Variants in MUC5B observed in about 807,000 individuals in gnomAD.
The protein encoded by MUC5B is mucin-5B.
A neutral mutation model predicts 376.9 loss-of-function variants in MUC5B; 116 were observed. That is an observed-to-expected ratio of 0.31 (90% CI 0.26 to 0.36). MUC5B has a LOEUF of 0.36. MUC5B is among the 10% of genes least tolerant of loss of function. MUC5B has a pLI of 1.00. For missense variants in MUC5B, 7,165 were observed against 7,769.9 expected (o/e 0.92, Z 2.93); for synonymous variants, 3,517 against 3,390.9 (o/e 1.04, Z -1.29).
rs542582331 is a variant in MUC5B, at chr11:1,237,837, C to T, written c.3297+673C>T. Among the ~76,000 whole-genome samples, 8 of 152,226 alleles carry T rather than the reference C, an allele frequency of 5.3e-5. No homozygotes were observed. The South Asian group carries it at 1.7e-3, about 32-fold the overall frequency. On this transcript the variant is annotated intron_variant, in intron 25 of 48. Coordinates refer to ENST00000529681, the MANE Select transcript of MUC5B (RefSeq NM_002458.3). ...TGAGCCAAGATCGTGCCACTGCACT[C>T]CAGCCTAAGCAAAAAGAGTGAGACT... is the stretch of plus-strand genomic sequence containing the variant.
In MUC5B at chr11:1,251,175, A is replaced by G; in HGVS notation, c.14295A>G (p.Pro4765=). ...CCCTGTGGACCACGTGGACCGTCCCAGCACAGACCACCACACCCATGTCCA... is the reference window on the plus strand; with the variant it reads ...CCCTGTGGACCACGTGGACCGTCCCGGCACAGACCACCACACCCATGTCCA... The part of the protein sequence containing the change: ...SSTLWTTWTV[P]AQTTTPMSTM... Residue 4765 remains proline (P), a synonymous_variant, in exon 31 of 49, where the codon CCA becomes CCG. Coordinates refer to ENST00000529681, the MANE Select transcript of MUC5B (RefSeq NM_002458.3). 1 of 1,610,908 alleles carries G rather than the reference A, an allele frequency of 6.2e-7. No individual in the cohort carries two copies. The highest frequency in any genetic ancestry group is 8.5e-7 in the Non-Finnish European group (1 of 1,178,178).
rs369603904 is a variant in MUC5B, at chr11:1,252,854, G to A, written c.15091G>A (p.Val5031Met). ...GGAGAACTGCACGGTGGCCAGGTGC[G>A]TGGGTGACAACCGTGTCGTCCTGCT... Reference protein sequence around the residue: ...TLENCTVARCVGDNRVVLLDP... With the variant: ...TLENCTVARCMGDNRVVLLDP... The change falls in exon 33 of 49, where the codon GTG (valine) becomes ATG (methionine). Residue 5031 changes from valine (V) to methionine (M), a missense_variant. Physicochemically the swap from Val to Met is conservative, Grantham distance 21. Transcript: ENST00000529681. 1.1e-4 allele frequency: 180 copies of A among 1,612,126 alleles called. No homozygotes were observed. Among genetic ancestry groups the A allele is most frequent in the South Asian group, 3.0e-4 (27 of 90,954 alleles).
chr11:1,230,740 C>G, intron 12 of MUC5B, 140 bp downstream of exon 12: 1 of 905,588 alleles, frequency 1.1e-6, no homozygotes, highest in Non-Finnish European at 1.7e-6. Context: ...CCTCCAGCCC[C>G]CAGGTCAGGT....
rs1862816064 is a variant in MUC5B at position 1,255,467 on chromosome 11, G to T, written c.15975G>T (p.Glu5325Asp). The change falls in exon 37 of 49, where the codon GAG (glutamate) becomes GAT (aspartate). Residue 5325 changes from glutamate to aspartate, a missense_variant. Physicochemically the swap from Glu to Asp is conservative, Grantham distance 45 (BLOSUM62 2). Transcript: ENST00000529681. Reference protein sequence around the residue: ...CISDHCRGRLEVPCQSLEAYA... With the variant: ...CISDHCRGRLDVPCQSLEAYA... ...GCGACCACTGCAGGGGCCGCCTTGAGGTGCCCTGCCAGAGCCTGGAGGCTT... is the reference window on the plus strand; with the variant it reads ...GCGACCACTGCAGGGGCCGCCTTGATGTGCCCTGCCAGAGCCTGGAGGCTT... 2 of 1,593,108 alleles carry T rather than the reference G, an allele frequency of 1.3e-6. No homozygotes were observed. The highest frequency in any genetic ancestry group is 1.7e-5 in the Admixed American group (1 of 57,414).
At chr11:1,229,843 G>C in intron 10 of MUC5B, 36 bp downstream of exon 10, 1 of 1,558,674 alleles carries the variant, frequency 6.4e-7, no homozygotes, top group African/African-American at 1.4e-5. Context: ...CCTGGGGTGG[G>C]GTGTGGAGCT....
At position 1,227,748 on chromosome 11, in the gene MUC5B, G is replaced by A. The variant is rs746810803; in HGVS notation, c.741G>A (p.Pro247=). Residue 247 remains proline, a synonymous_variant, in exon 7 of 49, where the codon CCG becomes CCA. Transcript: ENST00000529681. ...LDGPTEQCPD[P]LPLPAGNCTD... is the part of the protein sequence containing the mutation. The stretch of plus-strand genomic sequence containing the variant: ...GGCCCACGGAGCAGTGCCCGGACCC[G>A]CTGCCCTTGCCGGCCGGCAACTGCA... The A allele has an allele frequency of 1.9e-5, 14 of 719,714 alleles. No individual in the cohort carries two copies. Among genetic ancestry groups the A allele is most frequent in the Middle Eastern group, 2.3e-4 (1 of 4,394 alleles). The allele number at this position is 719,714 out of a possible 1,614,324, so 44.6% of individuals were successfully genotyped here.
In MUC5B at chr11:1,235,135, C is replaced by A; in HGVS notation, c.2681C>A (p.Thr894Asn). Reference sequence around the variant, plus strand: ...TGCAGCCACCGGCTCTGCCTGGGCACCTGCGTGGCCTACGGGGATGGCCAC... The same window carrying A: ...TGCAGCCACCGGCTCTGCCTGGGCAACTGCGTGGCCTACGGGGATGGCCAC... ...WECSHRLCLG[T>N]CVAYGDGHFI... Residue 894 changes from threonine to asparagine, a missense_variant, in exon 22 of 49, where the codon ACC becomes AAC. Coordinates refer to ENST00000529681, the MANE Select transcript of MUC5B (RefSeq NM_002458.3). 6.2e-7 allele frequency: 1 copy of A among 1,612,880 alleles called. No individual in the cohort carries two copies. The highest frequency in any genetic ancestry group is 1.1e-5 in the South Asian group (1 of 91,080).
rs2133844853 is a variant in MUC5B at position 1,251,483 on chromosome 11, C to T, written c.14603C>T (p.Ser4868Phe). ...CCCACCGGTTCCACGGCCACCGCCT[C>T]CTCCACTCTGGGAACAGCTCACACC... Reference protein sequence around the residue: ...MVPTGSTATASSTLGTAHTPK... With the variant: ...MVPTGSTATAFSTLGTAHTPK... Residue 4868 changes from serine (S) to phenylalanine (F), a missense_variant, in exon 31 of 49, where the codon TCC (serine) becomes TTC (phenylalanine). Around this residue, in one of 31 missense-constraint regions of MUC5B, gnomAD observed 730 missense variants for 592.7 expected, o/e 1.23. Coordinates refer to ENST00000529681, the MANE Select transcript of MUC5B (RefSeq NM_002458.3). 6.2e-7 allele frequency: 1 copy of T among 1,613,454 alleles called. No homozygotes were observed. The highest frequency in any genetic ancestry group is 8.5e-7 in the Non-Finnish European group (1 of 1,179,864).
In MUC5B at chr11:1,234,005, C is replaced by T. The variant is rs904438976; in HGVS notation, c.2377+157C>T. Among the ~76,000 whole-genome samples the T allele has an allele frequency of 5.9e-5, 9 of 152,178 alleles. No individual in the cohort carries two copies. Among genetic ancestry groups the T allele is most frequent in the Non-Finnish European group, 1.2e-4 (8 of 68,020 alleles). On this transcript the variant is annotated intron_variant, in intron 19 of 48. Coordinates refer to ENST00000529681, the MANE Select transcript of MUC5B (RefSeq NM_002458.3). The surrounding 1 kb of genome is among the most constrained non-coding windows in gnomAD (Gnocchi z 6.3). ...TGCCACAGGCACCCATGCCCTGACA[C>T]GCCAGGGACGGAGGGGCCAGTGGGT...
At chr11:1,259,431 T>G (rs988002168) in intron 44 of MUC5B, 1 of 500,814 alleles carries the variant, frequency 2.0e-6, no homozygotes, top group African/African-American at 1.9e-5. Flanking sequence ...CAGCCATTGC[T>G]GGGGTCTTGT....
Position 1,244,749 on chromosome 11 carries a change from C to G in MUC5B, c.7869C>G (p.Ser2623Arg), listed in dbSNP as rs772995069. ...TTGFTATPSS[S>R]PGTARTLPVW... Reference sequence around the variant, plus strand: ...GCTTCACAGCCACCCCCTCCTCCAGCCCAGGGACGGCACGCACGCTTCCAG... The same window carrying G: ...GCTTCACAGCCACCCCCTCCTCCAGGCCAGGGACGGCACGCACGCTTCCAG... The change falls in exon 31 of 49, where the codon AGC becomes AGG. Residue 2623 changes from serine to arginine, a missense_variant. This residue lies in a region of MUC5B where 141 missense variants were observed against 111.2 expected (regional missense o/e 1.27). Transcript: ENST00000529681. 2.5e-6 allele frequency: 4 copies of G among 1,612,384 alleles called. No homozygotes were observed. In the African/African-American group the frequency reaches 5.4e-5, roughly 22 times the overall value.
rs1862633920 is a variant in MUC5B at position 1,250,197 on chromosome 11, C to G, written c.13317C>G (p.Thr4439=). The G allele has an allele frequency of 1.2e-6, 2 of 1,609,318 alleles. No homozygotes were observed. Among genetic ancestry groups the G allele is most frequent in the African/African-American group, 2.7e-5 (2 of 74,714 alleles). The change falls in exon 31 of 49, where the codon ACC becomes ACG. Residue 4439 remains threonine, a synonymous_variant. Transcript: ENST00000529681. The stretch of plus-strand genomic sequence containing the variant: ...CTGCGTCCACTGGATCCACGGCCAC[C>G]CCGTCCTCCACCCCAGGGACCACCT... ...TTTASTGSTA[T]PSSTPGTTWI...
intron 26 of MUC5B, 149 bp from the exon 27 acceptor site, chr11:1,239,289 G>C: frequency 9.2e-7 from 1 of 1,082,696 alleles, no homozygotes. Context: ...GGAAGGTGAG[G>C]CACCACCCGG....
intron 7 of MUC5B, among the ~76,000 whole-genome samples, chr11:1,228,055 G>A (rs1343595446): frequency 2.6e-5 from 4 of 152,330 alleles, no homozygotes; most frequent in Middle Eastern, 3.4e-3. Context: ...CGGGAAGCCC[G>A]GAGCCAGCCC....
chr11:1,247,597 C>T lies in MUC5B; in HGVS notation c.10717C>T (p.Pro3573Ser). The T allele has an allele frequency of 1.9e-6, 3 of 1,610,682 alleles. No homozygotes were observed. The highest frequency in any genetic ancestry group is 1.3e-5 in the African/African-American group (1 of 74,870). The part of the protein sequence containing the change: ...ITTVVTTGCE[P>S]QCAWSEWLDY... Reference sequence around the variant, plus strand: ...CACGGTGGTGACCACGGGCTGTGAGCCCCAGTGTGCCTGGTCAGAGTGGCT... The same window carrying T: ...CACGGTGGTGACCACGGGCTGTGAGTCCCAGTGTGCCTGGTCAGAGTGGCT... Residue 3573 changes from proline to serine, a missense_variant, in exon 31 of 49, where the codon CCC becomes TCC. Pro to Ser is a moderately conservative substitution (Grantham distance 74). This residue lies in a region of MUC5B where 81 missense variants were observed against 154.5 expected (regional missense o/e 0.52). Transcript: ENST00000529681.
chr11:1,229,822 AC>A lies in MUC5B; in HGVS notation c.1220+17del, dbSNP rs763580447. 29 of 1,580,026 alleles carry A rather than the reference AC, an allele frequency of 1.8e-5. No homozygotes were observed. Among genetic ancestry groups the A allele is most frequent in the Non-Finnish European group, 2.4e-5 (28 of 1,164,702 alleles). Reference sequence around the variant, plus strand: ...TGCAGCTCCTGGTACTTATGAGCCCACCAGCCTCCGCCTGGGGTGGGGTGTG... The same window carrying A: ...TGCAGCTCCTGGTACTTATGAGCCCACAGCCTCCGCCTGGGGTGGGGTGTG... On this transcript the variant is annotated intron_variant, in intron 10 of 48. Transcript: ENST00000529681.
At position 1,252,994 on chromosome 11, in the gene MUC5B, TG is replaced by T. The variant is rs768458239; in HGVS notation, c.15217+16del. The T allele has an allele frequency of 6.2e-7, 1 of 1,611,030 alleles. No individual in the cohort carries two copies. Among genetic ancestry groups the T allele is most frequent in the Non-Finnish European group, 8.5e-7 (1 of 1,179,134 alleles). On this transcript the variant is annotated intron_variant, in intron 33 of 48. Coordinates refer to ENST00000529681, the MANE Select transcript of MUC5B (RefSeq NM_002458.3). ...ATGAGTGCGAGTGTGAGTGCGTCGGTGGCCGCGGGATTACCCCGGGGGCAGG... is the reference window on the plus strand; with the variant it reads ...ATGAGTGCGAGTGTGAGTGCGTCGGTGCCGCGGGATTACCCCGGGGGCAGG...
In MUC5B at chr11:1,241,842, A is replaced by G; in HGVS notation, c.4962A>G (p.Ser1654=). 1 of 1,613,446 alleles carries G rather than the reference A, an allele frequency of 6.2e-7. No individual in the cohort carries two copies. The highest frequency in any genetic ancestry group is 2.2e-5 in the East Asian group (1 of 44,852). Residue 1654 remains serine, a synonymous_variant, in exon 31 of 49, where the codon TCA becomes TCG. Coordinates refer to ENST00000529681, the MANE Select transcript of MUC5B (RefSeq NM_002458.3). ...PASTTAVPTL[S]EGLTSPRYTS... ...GCACCACAGCAGTCCCCACCCTCTC[A>G]GAAGGACTGACATCCCCCAGATACA...
In MUC5B at chr11:1,245,785, G is replaced by A. The variant is rs372575741; in HGVS notation, c.8905G>A (p.Gly2969Ser). ...YEIRVFCCNY[G>S]HCPSTPATSS... The stretch of plus-strand genomic sequence containing the variant: ...AATCCGTGTGTTCTGCTGCAACTAC[G>A]GCCACTGCCCCAGCACCCCGGCCAC... Residue 2969 changes from glycine to serine, a missense_variant, in exon 31 of 49, where the codon GGC (glycine) becomes AGC (serine). Transcript: ENST00000529681. 2.5e-4 allele frequency: 399 copies of A among 1,612,754 alleles called. 5 individuals are homozygous for A. In the East Asian group the frequency reaches 7.0e-3, roughly 28 times the overall value.
Sources: gnomAD v4.1 joint callset for allele counts (sites outside exome capture counted in the v4.1 genomes callset) on GRCh38, gnomAD v4.1.1 for gene constraint, gnomAD v4.1.1 regional missense constraint, Gnocchi (gnomAD v3.1) non-coding constraint, MANE v1.5 for transcripts, NCBI Gene and HGNC (gene_info 2026-07-23, HGNC 2026-07-21) for gene names.